The following COLQ variants were observed in gnomAD, a reference collection of about 807,000 sequenced individuals.
COLQ encodes the protein collagen like tail subunit of asymmetric acetylcholinesterase, also known as acetylcholinesterase collagenic tail peptide.
In COLQ, 48 loss-of-function variants were observed where a neutral mutation model predicts 69.0. The observed-to-expected ratio is 0.70, with a 90% CI of 0.55 to 0.88. The LOEUF (loss-of-function observed/expected upper bound fraction) is 0.88. Among genes scored for constraint, COLQ ranks in the 40% least tolerant of loss-of-function variants. The pLI is 0.00. For synonymous variants in COLQ, 217 were observed against 211.2 expected, an observed-to-expected ratio of 1.03 and a Z score of -0.24; for missense variants, 618 against 594.6, an observed-to-expected ratio of 1.04 and a Z score of -0.41.
chr3:15,491,469 C>T (rs565616017), intron 1 of COLQ, among the ~76,000 whole-genome samples: 1 of 152,282 alleles, frequency 6.6e-6, no homozygotes, highest in African/African-American at 2.4e-5. Context: ...CCAGGACCTG[C>T]CTCAGACACT....
At chr3:15,464,899 G>A (rs2062173904) in intron 12 of COLQ, among the ~76,000 whole-genome samples, 1 of 152,208 alleles carries the variant, frequency 6.6e-6, no homozygotes, top group South Asian at 2.1e-4. Flanking sequence ...GCAGCAGCTG[G>A]GTGTGGTGGC....
At chr3:15,498,539 G>C in intron 1 of COLQ, 1 of 1,551,934 alleles carries the variant, frequency 6.4e-7, no homozygotes, top group Non-Finnish European at 8.7e-7. Flanking sequence ...TAACAGAGCA[G>C]TCCTGAAATG....
At chr3:15,482,135 A>G (rs545767200) in intron 3 of COLQ, among the ~76,000 whole-genome samples, 1 of 152,252 alleles carries the variant, frequency 6.6e-6, no homozygotes, top group East Asian at 1.9e-4. Flanking sequence ...GGGTTTTCTA[A>G]ATATACAATC....
At chr3:15,475,377 C>G in intron 7 of COLQ, 48 bp downstream of exon 7, 1 of 1,533,820 alleles carries the variant, frequency 6.5e-7, no homozygotes, top group Non-Finnish European at 8.9e-7. Context: ...GCAGCTGCTC[C>G]AGAGCCTGAC....
intron 1 of COLQ, among the ~76,000 whole-genome samples, chr3:15,490,562 T>C (rs553099419): frequency 6.6e-6 from 1 of 152,370 alleles, no homozygotes; most frequent in Non-Finnish European, 1.5e-5. Context: ...ATAGTGTCTA[T>C]GGAAATCATC....
chr3:15,479,450 T>C (rs1318978139), intron 3 of COLQ, 68 bp from the exon 4 acceptor site: 3 of 1,440,578 alleles, frequency 2.1e-6, no homozygotes, highest in African/African-American at 2.8e-5. Flanking sequence ...GTGAGGCTCT[T>C]GGTGCACTGG....
At chr3:15,479,128 C>A in intron 4 of COLQ, 125 bp from the exon 5 acceptor site, 1 of 1,287,170 alleles carries the variant, frequency 7.8e-7, no homozygotes, top group South Asian at 1.2e-5. Context: ...CTGCTCACGG[C>A]CCCTCTGCCA....
At chr3:15,501,960 A>C (rs1187377230) in intron 1 of COLQ, among the ~76,000 whole-genome samples, 1 of 152,196 alleles carries the variant, frequency 6.6e-6, no homozygotes, top group Non-Finnish European at 1.5e-5. Context: ...TCTTGGATAA[A>C]GTCTTCCTCA....
intron 6 of COLQ, 70 bp downstream of exon 6, chr3:15,477,056 C>A (rs891545542): frequency 1.4e-6 from 2 of 1,398,908 alleles, no homozygotes; most frequent in African/African-American, 1.4e-5. Flanking sequence ...GTGCCAGGAG[C>A]CAGGAAAGCT....
At chr3:15,515,157 G>A in intron 1 of COLQ, among the ~76,000 whole-genome samples, 1 of 152,164 alleles carries the variant, frequency 6.6e-6, no homozygotes, top group East Asian at 1.9e-4. Context: ...AACTCCATGT[G>A]GGTGGGATAT....
In COLQ at chr3:15,515,089, T is replaced by G. The variant is rs570665137; in HGVS notation, c.106+6431A>C. 7.2e-5 allele frequency among the ~76,000 whole-genome samples: 11 copies of G among 152,280 alleles called. No individual in the cohort carries two copies. In the South Asian group the frequency reaches 2.3e-3, roughly 32 times the overall value. On this transcript the variant is annotated intron_variant, in intron 1 of 16. Coordinates refer to ENST00000383788, the MANE Select transcript of COLQ (RefSeq NM_005677.4). ...AGCTGGTTCACAAACTCCGTCTCTG[T>G]CCCACGTGTCTTTCATTCATCTCTT...
At position 15,521,563 on chromosome 3, in the gene COLQ, C is replaced by T; in HGVS notation, c.63G>A (p.Val21=). The change falls in exon 1 of 17, where the codon GTG becomes GTA. Residue 21 remains valine, a synonymous_variant. Transcript: ENST00000383788. ...CGCTGTTGATGAAAGTCGGCTGAGA[C>T]ACGATAGAGAGGAAGAAAAGCTGAA... is the stretch of plus-strand genomic sequence containing the variant. ...IYLQLFFLSI[V]SQPTFINSVL... 5 of 1,614,172 alleles carry T rather than the reference C, an allele frequency of 3.1e-6. No homozygotes were observed. Among genetic ancestry groups the T allele is most frequent in the Non-Finnish European group, 4.2e-6 (5 of 1,180,046 alleles).
chr3:15,455,284 C>T (rs555955460), intron 15 of COLQ, among the ~76,000 whole-genome samples: 4 of 152,214 alleles, frequency 2.6e-5, no homozygotes, highest in Non-Finnish European at 4.4e-5. Context: ...TTTCTCAGGG[C>T]CTGCATTCAA....
chr3:15,465,992 G>T (rs1464859058), intron 12 of COLQ, among the ~76,000 whole-genome samples: 1 of 152,060 alleles, frequency 6.6e-6, no homozygotes, highest in Non-Finnish European at 1.5e-5. Context: ...TTACTTCTAG[G>T]TTTAAGAGAA....
intron 16 of COLQ, among the ~76,000 whole-genome samples, chr3:15,453,031 G>A (rs1419762892): frequency 6.6e-6 from 1 of 152,126 alleles, no homozygotes; most frequent in African/African-American, 2.4e-5. Flanking sequence ...TGAAGAGCAG[G>A]GCATGGCCTA....
intron 10 of COLQ, among the ~76,000 whole-genome samples, chr3:15,471,657 T>C (rs2062289921): frequency 6.6e-6 from 1 of 152,124 alleles, no homozygotes; most frequent in African/African-American, 2.4e-5. Flanking sequence ...TCAGAGGAGG[T>C]ATAACACAAT....
chr3:15,519,531 C>A (rs1167129000), intron 1 of COLQ, among the ~76,000 whole-genome samples: 1 of 152,210 alleles, frequency 6.6e-6, no homozygotes, highest in Non-Finnish European at 1.5e-5. Flanking sequence ...TTTTCAAGCA[C>A]AGGGTGGTAA....
chr3:15,488,160 G>A, intron 3 of COLQ, 46 bp downstream of exon 3: 1 of 1,402,144 alleles, frequency 7.1e-7, no homozygotes, highest in Non-Finnish European at 1.0e-6. Context: ...GGGCTTTCCT[G>A]CTCTAAACAG....
intron 12 of COLQ, among the ~76,000 whole-genome samples, chr3:15,465,740 G>A (rs758299917): frequency 4.6e-5 from 7 of 150,732 alleles, no homozygotes; most frequent in Admixed American, 2.7e-4. Context: ...TTACAGCCGC[G>A]TGCCACCATG....
Sources: allele counts gnomAD v4.1 joint callset (sites outside exome capture counted in the v4.1 genomes callset), GRCh38; gene constraint gnomAD v4.1.1; transcripts MANE v1.5; gene names NCBI Gene and HGNC (gene_info 2026-07-23, HGNC 2026-07-21).